Variants in SEC22A observed in about 807,000 individuals in gnomAD.
The protein encoded by SEC22A is SEC22 homolog A, vesicle trafficking protein.
In SEC22A, 22 loss-of-function variants were observed where a neutral mutation model predicts 35.3. The ratio of observed to expected loss-of-function variants is 0.62; its 90% CI spans 0.45 to 0.89. The LOEUF is 0.89. SEC22A is among the 40% of genes least tolerant of loss of function. The probability of loss-of-function intolerance (pLI) is 0.00; values close to 1 mark genes in which losing one functional copy is unlikely to be tolerated. For missense variants in SEC22A, 354 were observed against 362.5 expected (o/e 0.98, Z 0.19); for synonymous variants, 119 against 129.5 (o/e 0.92, Z 0.55).
intron 2 of SEC22A, among the ~76,000 whole-genome samples, chr3:123,211,003 G>A (rs554250740): frequency 1.3e-5 from 2 of 152,226 alleles, no homozygotes; most frequent in South Asian, 4.2e-4. Context: ...GCCAGATCCT[G>A]GATCGCCCTG....
At chr3:123,240,952 T>A (rs1264386746) in intron 4 of SEC22A, among the ~76,000 whole-genome samples, 1 of 151,920 alleles carries the variant, frequency 6.6e-6, no homozygotes, top group Non-Finnish European at 1.5e-5. Flanking sequence ...AATGCTGCTC[T>A]GTTTTGGCTG....
intron 5 of SEC22A, among the ~76,000 whole-genome samples, chr3:123,257,338 C>T (rs1227491406): frequency 6.6e-6 from 1 of 152,084 alleles, no homozygotes; most frequent in Non-Finnish European, 1.5e-5. Flanking sequence ...ATAAGTGTCC[C>T]AGATTATAAG....
At chr3:123,235,505 G>C (rs1330098521) in intron 4 of SEC22A, among the ~76,000 whole-genome samples, 1 of 152,142 alleles carries the variant, frequency 6.6e-6, no homozygotes, top group African/African-American at 2.4e-5. Flanking sequence ...TATTAGGATG[G>C]TTAAAATTAA....
chr3:123,225,876 A>G (rs1937210766), intron 4 of SEC22A, among the ~76,000 whole-genome samples: 1 of 152,138 alleles, frequency 6.6e-6, no homozygotes, highest in African/African-American at 2.4e-5. Flanking sequence ...AGTAACCAAA[A>G]TTCTACTCTC....
At chr3:123,236,610 A>G (rs373742248) in intron 4 of SEC22A, among the ~76,000 whole-genome samples, 5 of 152,058 alleles carry the variant, frequency 3.3e-5, no homozygotes, top group East Asian at 1.9e-4. Context: ...GTTCTCTAAA[A>G]TTGGAGTGAG....
At chr3:123,264,112 T>C (rs1937964806) in intron 6 of SEC22A, among the ~76,000 whole-genome samples, 1 of 152,150 alleles carries the variant, frequency 6.6e-6, no homozygotes, top group Non-Finnish European at 1.5e-5. Flanking sequence ...GCTATGTTTG[T>C]TGCCCAGGCT....
chr3:123,220,100 C>T (rs963210144), intron 2 of SEC22A, among the ~76,000 whole-genome samples: 4 of 152,208 alleles, frequency 2.6e-5, no homozygotes, highest in African/African-American at 9.7e-5. Context: ...CTTTATTTCA[C>T]ATACAATTGT....
chr3:123,255,879 A>T (rs958383975), intron 5 of SEC22A, among the ~76,000 whole-genome samples: 1 of 151,466 alleles, frequency 6.6e-6, no homozygotes, highest in African/African-American at 2.4e-5. Flanking sequence ...AGCAGAATTA[A>T]CATCCACCCC....
At chr3:123,267,296 C>CT (rs1345481543) in intron 6 of SEC22A, among the ~76,000 whole-genome samples, 3 of 129,438 alleles carry the variant, frequency 2.3e-5, no homozygotes, top group African/African-American at 8.6e-5. Flanking sequence ...TCTTTTTTTT[C>CT]TTTATCTTCC....
intron 2 of SEC22A, among the ~76,000 whole-genome samples, chr3:123,211,335 G>C (rs746153931): frequency 2.0e-5 from 3 of 152,160 alleles, no homozygotes; most frequent in Non-Finnish European, 1.5e-5. Flanking sequence ...ATGAAAAGAA[G>C]GAAGGGGCAA....
At chr3:123,224,782 C>A (rs1337109333) in intron 3 of SEC22A, among the ~76,000 whole-genome samples, 1 of 151,198 alleles carries the variant, frequency 6.6e-6, no homozygotes, top group African/African-American at 2.5e-5. Context: ...CAGAGCAAGA[C>A]CCTGTCTCAA....
At chr3:123,237,171 G>A (rs776455976) in intron 4 of SEC22A, among the ~76,000 whole-genome samples, 1 of 152,178 alleles carries the variant, frequency 6.6e-6, no homozygotes, top group Non-Finnish European at 1.5e-5. Flanking sequence ...TTTAGTCTGT[G>A]GGTCATAGTT....
intron 5 of SEC22A, among the ~76,000 whole-genome samples, chr3:123,255,819 A>G (rs1025519447): frequency 6.6e-6 from 1 of 152,096 alleles, no homozygotes; most frequent in Non-Finnish European, 1.5e-5. Flanking sequence ...GCTGCACCAC[A>G]TAACATCTTA....
At chr3:123,229,351 G>A (rs1436398059) in intron 4 of SEC22A, among the ~76,000 whole-genome samples, 1 of 152,150 alleles carries the variant, frequency 6.6e-6, no homozygotes, top group African/African-American at 2.4e-5. Context: ...ACCTCAATAA[G>A]ATTAACAGCT....
intron 5 of SEC22A, among the ~76,000 whole-genome samples, chr3:123,248,681 C>T (rs1258083817): frequency 6.6e-6 from 1 of 152,190 alleles, no homozygotes; most frequent in East Asian, 1.9e-4. Flanking sequence ...AGATTCAATA[C>T]AGTCCCAATC....
At chr3:123,267,269 CTTTT>C in intron 6 of SEC22A, among the ~76,000 whole-genome samples, 1 of 145,450 alleles carries the variant, frequency 6.9e-6, no homozygotes, top group Non-Finnish European at 1.5e-5. Flanking sequence ...TATGTTAGGA[CTTTT>C]TTTTTTCTTT....
chr3:123,218,785 G>C (rs574145847), intron 2 of SEC22A, among the ~76,000 whole-genome samples: 10 of 152,064 alleles, frequency 6.6e-5, no homozygotes. Context: ...ACAAATTAGT[G>C]TATAAATGAG....
At chr3:123,233,211 A>T (rs985686170) in intron 4 of SEC22A, among the ~76,000 whole-genome samples, 11 of 152,208 alleles carry the variant, frequency 7.2e-5, no homozygotes, top group Non-Finnish European at 1.5e-4. Flanking sequence ...ATTTCAAAAG[A>T]TTATAATAGC....
chr3:123,247,810 A>T (rs1424854533), intron 5 of SEC22A, among the ~76,000 whole-genome samples: 1 of 152,208 alleles, frequency 6.6e-6, no homozygotes, highest in Non-Finnish European at 1.5e-5. Flanking sequence ...ATTGATACAA[A>T]ATCCTCAACA....
Sources: gnomAD v4.1 joint callset for allele counts (sites outside exome capture counted in the v4.1 genomes callset) on GRCh38, gnomAD v4.1.1 for gene constraint, MANE v1.5 for transcripts, NCBI Gene and HGNC (gene_info 2026-07-23, HGNC 2026-07-21) for gene names.